The following NFE2L2 variants were observed in gnomAD, a reference collection of about 807,000 sequenced individuals.
NFE2L2 encodes NFE2 like bZIP transcription factor 2, also known as nuclear factor erythroid 2-related factor 2.
Under a neutral mutation model 49.6 loss-of-function variants are expected in NFE2L2, and 20 were observed. That is an observed-to-expected ratio of 0.40 (90% confidence interval 0.28 to 0.59). NFE2L2 has a LOEUF of 0.59. Ranked by LOEUF, NFE2L2 falls within the 20% of genes least tolerant of loss-of-function variation. The pLI, the probability that NFE2L2 is intolerant of heterozygous loss-of-function variation, is 0.40. For synonymous variants in NFE2L2, 244 were observed against 256.5 expected (o/e 0.95, Z 0.47); for missense variants, 578 against 714.2 (o/e 0.81, Z 2.17).
rs774066059 is a variant in NFE2L2 at position 177,231,270 on chromosome 2, TG to T, written c.1332del (p.Asp444GlufsTer27). The T allele has an allele frequency of 3.1e-6, 5 of 1,614,240 alleles. No individual in the cohort carries two copies. The highest frequency in any genetic ancestry group is 4.2e-6 in the Non-Finnish European group (5 of 1,180,040). ...TGAGCCTCCAAGCGGCTTGAATGTT[TG>T]TCTTTTGTGAATGGGGTTTTCCGAT... ...PGHRKTPFTK[D>X]KHSSRLEAHL... On this transcript the variant is annotated frameshift_variant, in exon 5 of 5. Coordinates refer to ENST00000397062, the MANE Select transcript of NFE2L2 (RefSeq NM_006164.5). LOFTEE classifies it high-confidence loss of function.
At chr2:177,238,645 G>A (rs1689838484) in intron 1 of NFE2L2, among the ~76,000 whole-genome samples, 1 of 152,200 alleles carries the variant, frequency 6.6e-6, no homozygotes, top group Non-Finnish European at 1.5e-5. Context: ...GGATAATAAT[G>A]AGGTTGTGGA....
At chr2:177,238,993 T>C (rs1574265008) in intron 1 of NFE2L2, among the ~76,000 whole-genome samples, 1 of 152,092 alleles carries the variant, frequency 6.6e-6, no homozygotes, top group Non-Finnish European at 1.5e-5. Flanking sequence ...TTTACAAACA[T>C]ACACACACAC....
At chr2:177,251,832 C>T (rs971614613) in intron 1 of NFE2L2, among the ~76,000 whole-genome samples, 8 of 151,282 alleles carry the variant, frequency 5.3e-5, no homozygotes, top group East Asian at 1.9e-4. Flanking sequence ...GGTGAAACTC[C>T]GTCTCTACTA....
At chr2:177,251,639 G>A (rs1327581136) in intron 1 of NFE2L2, among the ~76,000 whole-genome samples, 1 of 152,114 alleles carries the variant, frequency 6.6e-6, no homozygotes, top group Non-Finnish European at 1.5e-5. Context: ...CCTCACACAA[G>A]GACAAGAAGA....
At chr2:177,233,175 G>T in intron 3 of NFE2L2, 75 bp downstream of exon 3, 1 of 1,197,620 alleles carries the variant, frequency 8.3e-7, no homozygotes, top group Non-Finnish European at 1.2e-6. Context: ...TCATTGACGG[G>T]ACTTACATAG....
intron 1 of NFE2L2, among the ~76,000 whole-genome samples, chr2:177,256,353 T>C (rs1690523474): frequency 6.6e-6 from 1 of 152,152 alleles, no homozygotes; most frequent in African/African-American, 2.4e-5. Flanking sequence ...GACAAGAGAT[T>C]GTCAGGTCTG....
Position 177,231,698 on chromosome 2 carries a change from G to T in NFE2L2, c.905C>A (p.Pro302His). ...AGAGAGTGAATGGCTTAAAGTAGCA[G>T]GTGAGGGCATGCTGTTGCTGATACT... ...EPSISNSMPS[P>H]ATLSHSLSEL... The change falls in exon 5 of 5, where the codon CCT becomes CAT. Residue 302 changes from proline to histidine, a missense_variant. By Grantham distance (77) the Pro-to-His change is moderately conservative. This residue lies in a region of NFE2L2 where 368 missense variants were observed against 384.6 expected (regional missense o/e 0.96). Coordinates refer to ENST00000397062, the MANE Select transcript of NFE2L2 (RefSeq NM_006164.5). 6.2e-7 allele frequency: 1 copy of T among 1,614,204 alleles called. No individual in the cohort carries two copies. Among genetic ancestry groups the T allele is most frequent in the Non-Finnish European group, 8.5e-7 (1 of 1,180,024 alleles).
intron 1 of NFE2L2, chr2:177,255,917 T>A (rs1237836446): frequency 6.5e-6 from 1 of 153,348 alleles, no homozygotes; most frequent in Non-Finnish European, 1.5e-5. Flanking sequence ...TCATCAAGAA[T>A]AAAAATAACT....
At chr2:177,233,943 A>G in intron 2 of NFE2L2, 62 bp downstream of exon 2, 6 of 1,581,878 alleles carry the variant, frequency 3.8e-6, no homozygotes, top group Non-Finnish European at 5.2e-6. Flanking sequence ...AGATATTTTA[A>G]TTCCTTGCTC....
chr2:177,236,363 A>G (rs2105462875), intron 1 of NFE2L2, among the ~76,000 whole-genome samples: 1 of 152,326 alleles, frequency 6.6e-6, no homozygotes, highest in Admixed American at 6.5e-5. Flanking sequence ...AGCCTTGAAC[A>G]ATATATATTG....
chr2:177,230,519 A>G lies in NFE2L2; in HGVS notation c.*266T>C, dbSNP rs77685897. The stretch of plus-strand genomic sequence containing the variant: ...ATATAACAAATGACATAAGAACAGT[A>G]TAAATAAGTTTTTGTAGTATTTACA... On this transcript the variant is annotated 3_prime_UTR_variant, in exon 5 of 5. Transcript: ENST00000397062. 190 of 360,714 alleles carry G rather than the reference A, an allele frequency of 5.3e-4. No individual in the cohort carries two copies. Among genetic ancestry groups the G allele is most frequent in the Non-Finnish European group, 8.4e-4 (170 of 202,560 alleles). The allele number at this position is 360,714 out of a possible 1,614,324, so 22.3% of individuals were successfully genotyped here.
chr2:177,261,236 CTG>C (rs1224121327), intron 1 of NFE2L2, among the ~76,000 whole-genome samples: 2 of 152,066 alleles, frequency 1.3e-5, no homozygotes, highest in East Asian at 3.9e-4. Flanking sequence ...ACCGAGGCCT[CTG>C]TGTCTTCCTT....
chr2:177,263,438 C>T, intron 1 of NFE2L2: 1 of 985,496 alleles, frequency 1.0e-6, no homozygotes, highest in East Asian at 1.1e-4. Context: ...CCGTCTTACA[C>T]ATTTTGGAAT....
chr2:177,236,534 C>A (rs747343020), intron 1 of NFE2L2, among the ~76,000 whole-genome samples: 1 of 152,140 alleles, frequency 6.6e-6, no homozygotes, highest in Non-Finnish European at 1.5e-5. Context: ...TCAAAACAGC[C>A]TTATACAGAG....
At chr2:177,242,899 GT>G (rs536018327) in intron 1 of NFE2L2, among the ~76,000 whole-genome samples, 57 of 143,938 alleles carry the variant, frequency 4.0e-4, no homozygotes, top group Non-Finnish European at 6.0e-4. Flanking sequence ...AGGAGGTTTT[GT>G]TTTTTTTTTG....
chr2:177,263,639 C>A, intron 1 of NFE2L2: 3 of 985,482 alleles, frequency 3.0e-6, no homozygotes, highest in Non-Finnish European at 2.4e-6. Flanking sequence ...CAAGGCCACG[C>A]GCGCGGTGAG....
intron 1 of NFE2L2, among the ~76,000 whole-genome samples, chr2:177,246,262 T>C (rs972221189): frequency 6.6e-6 from 1 of 152,186 alleles, no homozygotes; most frequent in Non-Finnish European, 1.5e-5. Flanking sequence ...GGGAGAGTTT[T>C]GCATTGAAAT....
In NFE2L2 at chr2:177,263,276, T is replaced by G. The variant is rs181303187; in HGVS notation, c.45+1256A>C. Reference sequence around the variant, plus strand: ...GAAGAGGGGGAACATGTTAAGAAATTGAGGCAAATTCTCAACTGAAAAGGA... The same window carrying G: ...GAAGAGGGGGAACATGTTAAGAAATGGAGGCAAATTCTCAACTGAAAAGGA... On this transcript the variant is annotated intron_variant, in intron 1 of 4. Coordinates refer to ENST00000397062, the MANE Select transcript of NFE2L2 (RefSeq NM_006164.5). 5 of 815,210 alleles carry G rather than the reference T, an allele frequency of 6.1e-6. No individual in the cohort carries two copies. The Admixed American group carries it at 2.5e-4, about 41-fold the overall frequency. The allele number at this position is 815,210 out of a possible 1,614,324, so 50.5% of individuals were successfully genotyped here.
intron 1 of NFE2L2, among the ~76,000 whole-genome samples, chr2:177,262,614 A>C (rs1343925246): frequency 6.6e-6 from 1 of 152,260 alleles, no homozygotes; most frequent in African/African-American, 2.4e-5. Context: ...GTCTGATTAC[A>C]AAGGTAGAAA....
Sources: allele counts gnomAD v4.1 joint callset (sites outside exome capture counted in the v4.1 genomes callset), GRCh38; gene constraint gnomAD v4.1.1; regional missense constraint gnomAD v4.1.1; transcripts MANE v1.5; gene names NCBI Gene and HGNC (gene_info 2026-07-23, HGNC 2026-07-21).